The following CORO2A variants were observed in gnomAD, a reference collection of about 807,000 sequenced individuals.
The protein encoded by CORO2A is coronin-2A.
A neutral mutation model predicts 62.4 loss-of-function variants in CORO2A; 47 were observed. The ratio of observed to expected loss-of-function variants is 0.75; its 90% CI spans 0.60 to 0.96. CORO2A has a LOEUF of 0.96. CORO2A is among the 40% of genes least tolerant of loss of function. The probability of loss-of-function intolerance (pLI) is 0.00; values close to 1 mark genes in which losing one functional copy is unlikely to be tolerated. For missense variants in CORO2A, 610 were observed against 684.1 expected (o/e 0.89, Z 1.21); for synonymous variants, 273 against 268.9 (o/e 1.02, Z -0.15).
intron 2 of CORO2A, among the ~76,000 whole-genome samples, chr9:98,138,939 C>T (rs571361614): frequency 2.1e-4 from 32 of 149,478 alleles, no homozygotes; most frequent in Non-Finnish European, 3.4e-4. Context: ...CCCAGCTACT[C>T]GGGAGGCTGA....
At chr9:98,142,563 C>T (rs1052292670) in intron 2 of CORO2A, among the ~76,000 whole-genome samples, 4 of 152,248 alleles carry the variant, frequency 2.6e-5, no homozygotes, top group African/African-American at 9.6e-5. Context: ...CCCCAATTTC[C>T]GCAGTGCGGT....
chr9:98,152,908 A>G (rs1827746310), intron 2 of CORO2A, among the ~76,000 whole-genome samples: 1 of 152,234 alleles, frequency 6.6e-6, no homozygotes, highest in Admixed American at 6.5e-5. Context: ...ATTCTAGATC[A>G]GAAAAAAAAG....
intron 2 of CORO2A, among the ~76,000 whole-genome samples, chr9:98,144,023 C>G (rs1165483294): frequency 6.6e-6 from 1 of 151,970 alleles, no homozygotes; most frequent in African/African-American, 2.4e-5. Flanking sequence ...GGGCAACAGG[C>G]CCCATCTCTA....
At chr9:98,133,687 C>A (rs966123474) in intron 4 of CORO2A, among the ~76,000 whole-genome samples, 1 of 152,244 alleles carries the variant, frequency 6.6e-6, no homozygotes, top group South Asian at 2.1e-4. Context: ...TCTGCAGACA[C>A]CCCATACAAA....
At chr9:98,158,803 G>C (rs1002650574) in intron 1 of CORO2A, among the ~76,000 whole-genome samples, 1 of 151,270 alleles carries the variant, frequency 6.6e-6, no homozygotes, top group African/African-American at 2.4e-5. Flanking sequence ...ATGTGGTTTA[G>C]TAAGATTATC....
At chr9:98,127,533 C>G (rs1226438723) in intron 10 of CORO2A, among the ~76,000 whole-genome samples, 1 of 152,120 alleles carries the variant, frequency 6.6e-6, no homozygotes, top group African/African-American at 2.4e-5. Context: ...TGCAAAAGGC[C>G]AGGCCCAGTG....
intron 1 of CORO2A, among the ~76,000 whole-genome samples, chr9:98,178,693 C>T (rs1284241255): frequency 1.3e-5 from 2 of 152,240 alleles, no homozygotes; most frequent in Admixed American, 6.5e-5. Flanking sequence ...CCCCAGCTGG[C>T]GAGTGTGTCT....
intron 2 of CORO2A, among the ~76,000 whole-genome samples, chr9:98,156,692 C>T (rs1827806834): frequency 6.6e-6 from 1 of 152,174 alleles, no homozygotes; most frequent in African/African-American, 2.4e-5. Context: ...TCTAAGTCTG[C>T]TATTTGTGTT....
intron 1 of CORO2A, among the ~76,000 whole-genome samples, chr9:98,165,875 T>C (rs1827952469): frequency 6.6e-6 from 1 of 152,214 alleles, no homozygotes; most frequent in South Asian, 2.1e-4. Context: ...GAATCAGGTA[T>C]TCTGGGGGTG....
At chr9:98,140,061 GCACAT>G (rs1310626112) in intron 2 of CORO2A, among the ~76,000 whole-genome samples, 1 of 152,110 alleles carries the variant, frequency 6.6e-6, no homozygotes, top group East Asian at 1.9e-4. Flanking sequence ...TGCTCATTTT[GCACAT>G]CACATTGCAT....
chr9:98,147,546 C>T (rs1177997115), intron 2 of CORO2A, among the ~76,000 whole-genome samples: 1 of 152,142 alleles, frequency 6.6e-6, no homozygotes, highest in Non-Finnish European at 1.5e-5. Flanking sequence ...ATTGAAAATG[C>T]AATTGGCAAA....
At chr9:98,130,719 TG>T (rs995477989) in intron 7 of CORO2A, among the ~76,000 whole-genome samples, 1 of 152,148 alleles carries the variant, frequency 6.6e-6, no homozygotes, top group Non-Finnish European at 1.5e-5. Context: ...GAAACACCAA[TG>T]GTCCCCCCAC....
Position 98,134,861 on chromosome 9 carries a change from A to G in CORO2A, c.413T>C (p.Val138Ala). Residue 138 changes from valine (V) to alanine (A), a missense_variant, in exon 4 of 12, where the codon GTG becomes GCG. Val to Ala is a moderately conservative substitution (Grantham distance 64, BLOSUM62 0). Transcript: ENST00000375077. ...GTTGGCGGCCGTGGGGTGCCACTCC[A>G]CCAGGCCTACTCTGCGCGCGTGGCC... ...LVGHARRVGL[V>A]EWHPTAANIL... 6.2e-7 allele frequency: 1 copy of G among 1,614,108 alleles called. No individual in the cohort carries two copies. The highest frequency in any genetic ancestry group is 8.5e-7 in the Non-Finnish European group (1 of 1,180,012).
Position 98,179,260 on chromosome 9 carries a change from A to G in CORO2A, c.-1+13299T>C, listed in dbSNP as rs541944309. ...TGAGATCTGGGACCGCTAGAGCATG[A>G]GGATTCTGCCTCTGCCTACCAGCCA... is the stretch of plus-strand genomic sequence containing the variant. On this transcript the variant is annotated intron_variant, in intron 1 of 11. Coordinates refer to ENST00000375077, the MANE Select transcript of CORO2A (RefSeq NM_052820.4). Among the ~76,000 whole-genome samples the G allele has an allele frequency of 4.5e-3, 680 of 152,324 alleles. 2 individuals are homozygous for G. Among genetic ancestry groups the G allele is most frequent in the Non-Finnish European group, 7.9e-3 (537 of 68,020 alleles).
Position 98,126,421 on chromosome 9 carries a change from T to C in CORO2A, c.1446+128A>G, listed in dbSNP as rs2231671. On this transcript the variant is annotated intron_variant, in intron 11 of 11. Coordinates refer to ENST00000375077, the MANE Select transcript of CORO2A (RefSeq NM_052820.4). ...GAATGAATTAACAAAATGAGTCAAG[T>C]GACTAGGCCAGGCCACACAGCTGGT... 3,444 of 1,265,440 alleles carry C rather than the reference T, an allele frequency of 2.7e-3. 60 individuals carry two copies. In the African/African-American group the frequency reaches 0.043, roughly 16 times the overall value. 78.4% of individuals were successfully genotyped at this position (1,265,440 alleles called of 1,614,324 possible). A position where few individuals can be genotyped will look rare whatever the true frequency, so the allele number is the denominator to read the frequency against.
At chr9:98,152,299 A>C (rs1201505352) in intron 2 of CORO2A, among the ~76,000 whole-genome samples, 2 of 150,984 alleles carry the variant, frequency 1.3e-5, no homozygotes, top group African/African-American at 4.9e-5. Flanking sequence ...ATTTTATTTT[A>C]TTTATTTTGA....
At chr9:98,163,913 G>A (rs1246796501) in intron 1 of CORO2A, among the ~76,000 whole-genome samples, 1 of 152,158 alleles carries the variant, frequency 6.6e-6, no homozygotes, top group Non-Finnish European at 1.5e-5. Flanking sequence ...CATTATAATA[G>A]ATTATTCATT....
At chr9:98,163,591 GGA>G (rs1421581204) in intron 1 of CORO2A, among the ~76,000 whole-genome samples, 10 of 152,172 alleles carry the variant, frequency 6.6e-5, no homozygotes, top group African/African-American at 2.4e-4. Flanking sequence ...GGGGTGCAAG[GGA>G]AGTGACTAGA....
At chr9:98,161,074 T>A (rs1335726811) in intron 1 of CORO2A, among the ~76,000 whole-genome samples, 1 of 152,054 alleles carries the variant, frequency 6.6e-6, no homozygotes, top group East Asian at 1.9e-4. Flanking sequence ...GAGTGAACCA[T>A]GAGATAAGGG....
Sources: gnomAD v4.1 joint callset for allele counts (sites outside exome capture counted in the v4.1 genomes callset) on GRCh38, gnomAD v4.1.1 for gene constraint, MANE v1.5 for transcripts, NCBI Gene and HGNC (gene_info 2026-07-23, HGNC 2026-07-21) for gene names.